The following RSU1 variants were observed in gnomAD, a reference collection of about 807,000 sequenced individuals.
RSU1 encodes rsu-1.
A neutral mutation model predicts 31.1 loss-of-function variants in RSU1; 26 were observed. The observed-to-expected ratio is 0.84, with a 90% CI of 0.61 to 1.16. The LOEUF (loss-of-function observed/expected upper bound fraction) is 1.16. RSU1 is among the 50% of genes most tolerant of loss of function. RSU1 has a pLI of 0.00. For synonymous variants in RSU1, 164 were observed against 136.3 expected (o/e 1.20, Z -1.41); for missense variants, 320 against 339.1 (o/e 0.94, Z 0.44).
At chr10:16,727,515 C>T (rs1309990432) in intron 7 of RSU1, among the ~76,000 whole-genome samples, 7 of 152,036 alleles carry the variant, frequency 4.6e-5, no homozygotes, top group Non-Finnish European at 1.0e-4. Context: ...GAGGTAACAA[C>T]GGCTGGAATT....
At chr10:16,813,351 T>C (rs1057403447) in intron 2 of RSU1, among the ~76,000 whole-genome samples, 3 of 152,168 alleles carry the variant, frequency 2.0e-5, no homozygotes, top group Admixed American at 6.6e-5. Context: ...ACACAAAAAA[T>C]TCCAACACCT....
intron 8 of RSU1, among the ~76,000 whole-genome samples, chr10:16,673,060 T>C (rs1266413168): frequency 6.6e-6 from 1 of 151,984 alleles, no homozygotes; most frequent in Admixed American, 6.5e-5. Context: ...GGCAAGCTTA[T>C]TCTCCAAGGC....
intron 8 of RSU1, among the ~76,000 whole-genome samples, chr10:16,686,925 T>TA (rs898111200): frequency 1.3e-5 from 2 of 152,170 alleles, no homozygotes; most frequent in Non-Finnish European, 2.9e-5. Context: ...AGTCATTGAA[T>TA]AAAATGCAAA....
intron 8 of RSU1, among the ~76,000 whole-genome samples, chr10:16,612,617 G>C (rs1352500993): frequency 1.3e-5 from 2 of 152,226 alleles, no homozygotes; most frequent in African/African-American, 4.8e-5. Context: ...TAACTCTGCA[G>C]TGAAAATGTC....
chr10:16,761,400 A>T (rs1037572881), intron 4 of RSU1, among the ~76,000 whole-genome samples: 2 of 152,168 alleles, frequency 1.3e-5, no homozygotes, highest in African/African-American at 4.8e-5. Flanking sequence ...GGTACATGGT[A>T]AGGAACTTGG....
intron 2 of RSU1, among the ~76,000 whole-genome samples, chr10:16,808,127 C>T (rs982563781): frequency 3.8e-4 from 58 of 152,018 alleles, no homozygotes; most frequent in African/African-American, 1.4e-3. Context: ...GTGAGCCCTT[C>T]GGGGCTAGGA....
At chr10:16,704,723 T>C (rs948032839) in intron 7 of RSU1, among the ~76,000 whole-genome samples, 2 of 152,240 alleles carry the variant, frequency 1.3e-5, no homozygotes, top group African/African-American at 2.4e-5. Flanking sequence ...AGTGGGGTAA[T>C]GCATTAGGTG....
rs1564320271 is a variant in RSU1 at position 16,695,009 on chromosome 10, C to T, written c.731+14G>A. ...ATCACAGTCTACTATTTCAGAAAAT[C>T]AGAGTCTACTTACTATTTGTATGTC... On this transcript the variant is annotated intron_variant, in intron 8 of 8. Coordinates refer to ENST00000345264, the MANE Select transcript of RSU1 (RefSeq NM_012425.4). 1.9e-6 allele frequency: 3 copies of T among 1,597,730 alleles called. No individual in the cohort carries two copies. The South Asian group carries it at 3.4e-5, about 18-fold the overall frequency.
At chr10:16,700,670 C>T (rs560528563) in intron 7 of RSU1, among the ~76,000 whole-genome samples, 1 of 152,168 alleles carries the variant, frequency 6.6e-6, no homozygotes, top group Non-Finnish European at 1.5e-5. Flanking sequence ...TTTTTCACTT[C>T]TTTAGGAACA....
chr10:16,697,622 C>A (rs1017043012), intron 7 of RSU1, among the ~76,000 whole-genome samples: 2 of 150,970 alleles, frequency 1.3e-5, no homozygotes, highest in African/African-American at 2.4e-5. Context: ...CGAAATGGCA[C>A]CACTGCACTC....
chr10:16,630,764 A>C (rs1384078754), intron 8 of RSU1, among the ~76,000 whole-genome samples: 2 of 152,254 alleles, frequency 1.3e-5, no homozygotes, highest in Non-Finnish European at 2.9e-5. Flanking sequence ...AACCCAGGAC[A>C]CAGTATGAAG....
intron 7 of RSU1, among the ~76,000 whole-genome samples, chr10:16,712,837 C>G (rs780013324): frequency 6.6e-6 from 1 of 152,116 alleles, no homozygotes; most frequent in South Asian, 2.1e-4. Flanking sequence ...ATTGTCCTTT[C>G]TTTTCCAGTG....
intron 8 of RSU1, among the ~76,000 whole-genome samples, chr10:16,624,952 A>G (rs1588680504): frequency 6.6e-6 from 1 of 152,146 alleles, no homozygotes; most frequent in East Asian, 1.9e-4. Context: ...TTAATTAAGA[A>G]CTCTAAAATA....
chr10:16,731,278 A>T (rs1160282464), intron 7 of RSU1, among the ~76,000 whole-genome samples: 1 of 152,086 alleles, frequency 6.6e-6, no homozygotes, highest in Non-Finnish European at 1.5e-5. Context: ...AAAATACAAA[A>T]AATTAGCCGG....
intron 2 of RSU1, among the ~76,000 whole-genome samples, chr10:16,791,634 A>AC (rs1837916669): frequency 1.4e-5 from 2 of 141,654 alleles, no homozygotes; most frequent in Admixed American, 7.1e-5. Flanking sequence ...TCTCAAAAAA[A>AC]CAAAAAAAAA....
At chr10:16,779,564 G>A (rs1025212794) in intron 3 of RSU1, among the ~76,000 whole-genome samples, 3 of 152,096 alleles carry the variant, frequency 2.0e-5, no homozygotes, top group African/African-American at 7.2e-5. Flanking sequence ...AGAGAACGGT[G>A]TAATTGGCAT....
intron 8 of RSU1, among the ~76,000 whole-genome samples, chr10:16,627,811 G>A (rs889375650): frequency 2.0e-4 from 31 of 151,340 alleles, no homozygotes; most frequent in African/African-American, 3.2e-4. Flanking sequence ...TACTGACTGC[G>A]GAGTCCAGCA....
intron 8 of RSU1, among the ~76,000 whole-genome samples, chr10:16,635,402 C>G (rs972877852): frequency 7.2e-5 from 11 of 152,208 alleles, no homozygotes; most frequent in African/African-American, 2.7e-4. Flanking sequence ...TCTCAGCTAG[C>G]TGATAACCCT....
intron 8 of RSU1, among the ~76,000 whole-genome samples, chr10:16,635,418 G>A (rs1406301154): frequency 2.0e-5 from 3 of 151,868 alleles, no homozygotes; most frequent in East Asian, 1.9e-4. Flanking sequence ...ACCCTGCTTC[G>A]TATTTCACTG....
Sources: allele counts gnomAD v4.1 joint callset (sites outside exome capture counted in the v4.1 genomes callset), GRCh38; gene constraint gnomAD v4.1.1; transcripts MANE v1.5; gene names NCBI Gene and HGNC (gene_info 2026-07-23, HGNC 2026-07-21).